The following USP31 variants were observed in gnomAD, a reference collection of about 807,000 sequenced individuals.
The protein encoded by USP31 is ubiquitin specific peptidase 31.
A neutral mutation model predicts 119.4 loss-of-function variants in USP31; 44 were observed. That is an observed-to-expected ratio of 0.37 (90% CI 0.29 to 0.47). USP31 has a LOEUF of 0.47. USP31 is among the 20% of genes least tolerant of loss of function. The pLI is 0.99. For synonymous variants in USP31, 749 were observed against 705.6 expected, an observed-to-expected ratio of 1.06 and a Z score of -0.97; for missense variants, 1,643 against 1,730.2, an observed-to-expected ratio of 0.95 and a Z score of 0.89.
chr16:23,101,420 G>A (rs1416028235), intron 6 of USP31, among the ~76,000 whole-genome samples: 6 of 152,144 alleles, frequency 3.9e-5, no homozygotes, highest in Admixed American at 3.3e-4. Context: ...AATTCCAGTA[G>A]GGAGGTGGAA....
At chr16:23,134,986 A>T (rs948855926) in intron 1 of USP31, among the ~76,000 whole-genome samples, 2 of 152,032 alleles carry the variant, frequency 1.3e-5, no homozygotes, top group Non-Finnish European at 2.9e-5. Flanking sequence ...AGACATCATA[A>T]CCAAATGGGA....
At chr16:23,085,705 T>C in intron 9 of USP31, 43 bp from the exon 10 acceptor site, 1 of 1,470,022 alleles carries the variant, frequency 6.8e-7, no homozygotes, top group Non-Finnish European at 9.4e-7. Flanking sequence ...CATATTATTT[T>C]CTAAACAAAT....
In USP31 at chr16:23,068,161, TG is replaced by T. The variant is rs1262581498; in HGVS notation, c.3943del (p.Gln1315AsnfsTer2). 3 of 1,614,044 alleles carry T rather than the reference TG, an allele frequency of 1.9e-6. No homozygotes were observed. In the African/African-American group the frequency reaches 4.0e-5, roughly 22 times the overall value. Reference sequence around the variant, plus strand: ...AGACGAGGGAACTCCAGAGTCTAGTTGGGAAGACTTGGATTTGCGAGCGGAC... The same window carrying T: ...AGACGAGGGAACTCCAGAGTCTAGTTGGAAGACTTGGATTTGCGAGCGGAC... The part of the protein sequence containing the change: ...LLSARKSKSS[Q>X]LDSGVPSSPG... On this transcript the variant is annotated frameshift_variant, in exon 16 of 16. Coordinates refer to ENST00000219689, the MANE Select transcript of USP31 (RefSeq NM_020718.4). LOFTEE classifies it high-confidence loss of function.
intron 6 of USP31, among the ~76,000 whole-genome samples, chr16:23,095,296 A>G (rs976396473): frequency 4.6e-5 from 7 of 152,204 alleles, no homozygotes; most frequent in African/African-American, 1.7e-4. Context: ...AAGGTTAGAG[A>G]AAAAAGAGTA....
At position 23,120,542 on chromosome 16, in the gene USP31, T is replaced by C. The variant is rs569616163; in HGVS notation, c.634-12359A>G. On this transcript the variant is annotated intron_variant, in intron 1 of 15. Transcript: ENST00000219689. Reference sequence around the variant, plus strand: ...GACAGCAGCCAGCATCAAAGAAAAATTAGAGAGAGAAAAAGAATGTATCCC... The same window carrying C: ...GACAGCAGCCAGCATCAAAGAAAAACTAGAGAGAGAAAAAGAATGTATCCC... Among the ~76,000 whole-genome samples, 6 of 151,964 alleles carry C rather than the reference T, an allele frequency of 3.9e-5. No homozygotes were observed. The South Asian group carries it at 1.3e-3, about 32-fold the overall frequency.
chr16:23,092,691 C>T (rs895550706), intron 6 of USP31, among the ~76,000 whole-genome samples: 9 of 152,108 alleles, frequency 5.9e-5, no homozygotes, highest in African/African-American at 1.9e-4. Context: ...GAAACACAAA[C>T]AAGCACCTGG....
intron 12 of USP31, 59 bp downstream of exon 12, chr16:23,082,379 A>AG: frequency 6.2e-7 from 1 of 1,603,224 alleles, no homozygotes; most frequent in Non-Finnish European, 8.5e-7. Flanking sequence ...GCCCATCAGC[A>AG]GGGGGCATAA....
chr16:23,115,280 T>A (rs28468613), intron 1 of USP31, among the ~76,000 whole-genome samples: 2 of 152,246 alleles, frequency 1.3e-5, no homozygotes, highest in African/African-American at 4.8e-5. Flanking sequence ...TTTGCAGTTT[T>A]GAAAAAGTTG....
intron 6 of USP31, among the ~76,000 whole-genome samples, chr16:23,100,642 A>G (rs1901808920): frequency 1.3e-5 from 2 of 152,222 alleles, no homozygotes; most frequent in South Asian, 2.1e-4. Flanking sequence ...GTGTGGTGGC[A>G]TGCGCCTGTG....
intron 1 of USP31, chr16:23,115,874 G>A (rs1015295124): frequency 1.4e-5 from 12 of 851,902 alleles, no homozygotes; most frequent in Non-Finnish European, 1.6e-5. Flanking sequence ...TCAGAAAAGA[G>A]CCATAAAATT....
chr16:23,108,369 C>T (rs956116976), intron 1 of USP31, among the ~76,000 whole-genome samples, 186 bp from the exon 2 acceptor site: 1 of 152,142 alleles, frequency 6.6e-6, no homozygotes, highest in Admixed American at 6.5e-5. Context: ...TACCAGAACC[C>T]TTAAAATACA....
intron 14 of USP31, among the ~76,000 whole-genome samples, chr16:23,073,192 A>G (rs975034789): frequency 9.2e-5 from 14 of 152,112 alleles, no homozygotes; most frequent in African/African-American, 3.4e-4. Flanking sequence ...GCCACCTAAT[A>G]TTATCACAGC....
intron 6 of USP31, among the ~76,000 whole-genome samples, chr16:23,101,860 T>C (rs1901880242): frequency 6.6e-6 from 1 of 151,738 alleles, no homozygotes; most frequent in South Asian, 2.1e-4. Flanking sequence ...GGGCTTTACT[T>C]CATTTTGCTG....
chr16:23,073,335 G>A (rs1284224668), intron 14 of USP31, among the ~76,000 whole-genome samples: 3 of 152,256 alleles, frequency 2.0e-5, no homozygotes, highest in African/African-American at 7.2e-5. Flanking sequence ...GACCCCATGA[G>A]GTAGGCATTA....
rs528835431 is a variant in USP31 at position 23,081,812 on chromosome 16, T to C, written c.1950+626A>G. 5.0e-4 allele frequency among the ~76,000 whole-genome samples: 76 copies of C among 152,322 alleles called. 1 individual carries two copies. The highest frequency in any genetic ancestry group is 1.8e-3 in the African/African-American group (74 of 41,576). ...CTGTGCTTTCTCCACTGTCGGGCTTTGCACACACTGCTCTCTCTGCCCCCG... is the reference window on the plus strand; with the variant it reads ...CTGTGCTTTCTCCACTGTCGGGCTTCGCACACACTGCTCTCTCTGCCCCCG... On this transcript the variant is annotated intron_variant, in intron 12 of 15. Transcript: ENST00000219689.
intron 13 of USP31, among the ~76,000 whole-genome samples, chr16:23,077,325 A>G (rs1900619922): frequency 6.6e-6 from 1 of 152,240 alleles, no homozygotes; most frequent in African/African-American, 2.4e-5. Flanking sequence ...TGAGTTTGAA[A>G]AAAAGAAAAA....
chr16:23,069,696 C>G, intron 15 of USP31, 80 bp from the exon 16 acceptor site: 1 of 1,494,024 alleles, frequency 6.7e-7, no homozygotes, highest in Non-Finnish European at 8.9e-7. Context: ...GAAGGTGAAA[C>G]GAAGGTAAGC....
At chr16:23,110,943 A>G (rs1015818024) in intron 1 of USP31, among the ~76,000 whole-genome samples, 6 of 152,074 alleles carry the variant, frequency 3.9e-5, no homozygotes, top group African/African-American at 1.4e-4. Context: ...CCTAGTTAAC[A>G]TGGTGAAACC....
intron 1 of USP31, among the ~76,000 whole-genome samples, chr16:23,131,257 A>T (rs996562031): frequency 2.0e-5 from 3 of 152,326 alleles, no homozygotes; most frequent in African/African-American, 7.2e-5. Flanking sequence ...AGCTATGATC[A>T]TGCCACTGCA....
Sources: gnomAD v4.1 joint callset for allele counts (sites outside exome capture counted in the v4.1 genomes callset) on GRCh38, gnomAD v4.1.1 for gene constraint, MANE v1.5 for transcripts, NCBI Gene and HGNC (gene_info 2026-07-23, HGNC 2026-07-21) for gene names.